Variants in KIDINS220 observed in about 807,000 individuals in gnomAD.
The protein encoded by KIDINS220 is kinase D-interacting substrate of 220 kDa.
Under a neutral mutation model 157.6 loss-of-function variants are expected in KIDINS220, and 63 were observed. The ratio of observed to expected loss-of-function variants is 0.40; its 90% CI spans 0.33 to 0.49. The LOEUF is 0.49. Ranked by LOEUF, KIDINS220 falls within the 20% of genes least tolerant of loss-of-function variation. The pLI, the probability that KIDINS220 is intolerant of heterozygous loss-of-function variation, is 0.66. For synonymous variants in KIDINS220, 732 were observed against 783.6 expected, an observed-to-expected ratio of 0.93 and a Z score of 1.10; for missense variants, 1,772 against 2,171.2, an observed-to-expected ratio of 0.82 and a Z score of 3.65.
downstream of KIDINS220, chr2:8,727,167 G>A (rs773435724): frequency 2.2e-5 from 26 of 1,159,392 alleles, no homozygotes; most frequent in African/African-American, 6.4e-5. Context: ...AACTCAAAAC[G>A]CGATAGTCTC....
intron 9 of KIDINS220, 137 bp downstream of exon 9, chr2:8,800,262 TA>T (rs1674506775): frequency 3.8e-6 from 2 of 529,334 alleles, no homozygotes; most frequent in South Asian, 7.5e-5. Context: ...TGAAACTTAG[TA>T]ATAATATACG....
intron 1 of KIDINS220, among the ~76,000 whole-genome samples, chr2:8,836,761 G>C (rs1384348218): frequency 6.6e-6 from 1 of 152,176 alleles, no homozygotes; most frequent in Non-Finnish European, 1.5e-5. Context: ...CCACACCTCA[G>C]GCCGAAGGAA....
At chr2:8,818,852 C>G in intron 2 of KIDINS220, 59 bp from the exon 3 acceptor site, 6 of 887,320 alleles carry the variant, frequency 6.8e-6, no homozygotes, top group Non-Finnish European at 1.1e-5. Flanking sequence ...ACTAAAACAT[C>G]ACAGTTAAAT....
At chr2:8,741,852 T>G (rs1173629642) in intron 26 of KIDINS220, among the ~76,000 whole-genome samples, 2 of 152,192 alleles carry the variant, frequency 1.3e-5, no homozygotes, top group African/African-American at 4.8e-5. Flanking sequence ...GAGTAAATAC[T>G]TTTCCAAATT....
intron 4 of KIDINS220, among the ~76,000 whole-genome samples, chr2:8,814,646 T>C (rs1385356111): frequency 6.6e-6 from 1 of 152,246 alleles, no homozygotes; most frequent in Non-Finnish European, 1.5e-5. Flanking sequence ...GATTCACTGA[T>C]GAATGCTAAA....
At chr2:8,829,228 T>A (rs756408267) in intron 1 of KIDINS220, among the ~76,000 whole-genome samples, 39 of 152,178 alleles carry the variant, frequency 2.6e-4, no homozygotes, top group Admixed American at 6.5e-4. Context: ...CTGTTCTATA[T>A]CTTGACTGTT....
chr2:8,816,933 G>A (rs571237008), intron 4 of KIDINS220, among the ~76,000 whole-genome samples: 2 of 152,298 alleles, frequency 1.3e-5, no homozygotes, highest in African/African-American at 2.4e-5. Flanking sequence ...GTGAAATGCT[G>A]TGGCTTCTTA....
In KIDINS220 at chr2:8,730,621, C is replaced by T; in HGVS notation, c.*99G>A. On this transcript the variant is annotated 3_prime_UTR_variant, in exon 30 of 30. Coordinates refer to ENST00000256707, the MANE Select transcript of KIDINS220 (RefSeq NM_020738.4). The stretch of plus-strand genomic sequence containing the variant: ...GCCTCATCATCGGTTAGTTATCTGT[C>T]AGCAAAATGTAGAAAGGTGATGGGC... 1 of 1,474,218 alleles carries T rather than the reference C, an allele frequency of 6.8e-7. No individual in the cohort carries two copies. The highest frequency in any genetic ancestry group is 1.4e-5 in the African/African-American group (1 of 71,338). The allele number at this position is 1,474,218 out of a possible 1,614,324, so 91.3% of individuals were successfully genotyped here.
rs959646541 is a variant in KIDINS220, at chr2:8,796,677, A to T, written c.1098+94T>A. 3.2e-6 allele frequency: 3 copies of T among 943,234 alleles called. No homozygotes were observed. The African/African-American group carries it at 4.8e-5, about 15-fold the overall frequency. 58.4% of individuals were successfully genotyped at this position (943,234 alleles called of 1,614,324 possible). ...CCCAGCAAGTCATCTCTCCCCACAC[A>T]ACCTAAAATCAGATCCCCATTAAAT... On this transcript the variant is annotated intron_variant, in intron 11 of 29. Coordinates refer to ENST00000256707, the MANE Select transcript of KIDINS220 (RefSeq NM_020738.4).
intron 22 of KIDINS220, among the ~76,000 whole-genome samples, chr2:8,755,673 G>A (rs1363502312): frequency 1.3e-5 from 2 of 152,180 alleles, no homozygotes; most frequent in African/African-American, 4.8e-5. Context: ...GTGGGGTAGG[G>A]GTCCAACTTC....
chr2:8,813,698 C>T (rs1161090521), intron 4 of KIDINS220, among the ~76,000 whole-genome samples: 1 of 152,148 alleles, frequency 6.6e-6, no homozygotes, highest in African/African-American at 2.4e-5. Context: ...CCAAGGCAGG[C>T]AGATCATGAG....
intron 20 of KIDINS220, among the ~76,000 whole-genome samples, chr2:8,777,761 A>G (rs1671157060): frequency 6.6e-6 from 1 of 152,200 alleles, no homozygotes; most frequent in Non-Finnish European, 1.5e-5. Context: ...GCTCTTGTCT[A>G]AGGTCCCGAT....
At chr2:8,820,307 G>A (rs1003392801) in intron 2 of KIDINS220, among the ~76,000 whole-genome samples, 4 of 152,052 alleles carry the variant, frequency 2.6e-5, no homozygotes, top group African/African-American at 7.3e-5. Context: ...TCCCCTAAAC[G>A]CCGGGAAACA....
chr2:8,824,999 C>T (rs573515410), intron 2 of KIDINS220, among the ~76,000 whole-genome samples: 14 of 152,110 alleles, frequency 9.2e-5, no homozygotes, highest in African/African-American at 3.1e-4. Context: ...GAAAGTAAAA[C>T]GGTCACTGCC....
intron 26 of KIDINS220, among the ~76,000 whole-genome samples, chr2:8,744,110 A>G (rs1312007014): frequency 6.9e-6 from 1 of 145,974 alleles, no homozygotes; most frequent in Non-Finnish European, 1.5e-5. Flanking sequence ...TCATTAATAT[A>G]TTATATATTT....
intron 1 of KIDINS220, among the ~76,000 whole-genome samples, chr2:8,836,526 G>A (rs1020218732): frequency 2.6e-5 from 4 of 152,208 alleles, no homozygotes; most frequent in African/African-American, 9.7e-5. Flanking sequence ...TAGATCTGGG[G>A]TGGTGCCCAG....
At chr2:8,777,493 G>A (rs1304638928) in intron 20 of KIDINS220, among the ~76,000 whole-genome samples, 1 of 152,094 alleles carries the variant, frequency 6.6e-6, no homozygotes, top group Non-Finnish European at 1.5e-5. Flanking sequence ...TATGTAGAGG[G>A]TGTCACTATG....
intron 22 of KIDINS220, among the ~76,000 whole-genome samples, chr2:8,752,346 A>G (rs551745288): frequency 6.6e-6 from 1 of 152,296 alleles, no homozygotes; most frequent in South Asian, 2.1e-4. Context: ...TAAAAGAGAA[A>G]GAAACTCAAA....
intron 22 of KIDINS220, 44 bp downstream of exon 22, chr2:8,770,626 T>G: frequency 1.9e-6 from 2 of 1,040,574 alleles, no homozygotes; most frequent in South Asian, 1.8e-5. Context: ...TTTTTTTAAC[T>G]CAACCTAAAA....
Sources: allele counts gnomAD v4.1 joint callset (sites outside exome capture counted in the v4.1 genomes callset), GRCh38; gene constraint gnomAD v4.1.1; transcripts MANE v1.5; gene names NCBI Gene and HGNC (gene_info 2026-07-23, HGNC 2026-07-21).